The following NLGN1 variants were observed in gnomAD, a reference collection of about 807,000 sequenced individuals.
NLGN1 encodes the protein neuroligin 1, also known as neuroligin-1.
A neutral mutation model predicts 65.5 loss-of-function variants in NLGN1; 12 were observed. That is an observed-to-expected ratio of 0.18 (90% CI 0.12 to 0.30). The LOEUF (loss-of-function observed/expected upper bound fraction) is 0.30, where lower values mean the gene tolerates loss of function less well. NLGN1 is among the 10% of genes least tolerant of loss of function. The probability of loss-of-function intolerance (pLI) is 1.00; values close to 1 mark genes in which losing one functional copy is unlikely to be tolerated. For missense variants in NLGN1, 750 were observed against 1,007.1 expected, an observed-to-expected ratio of 0.74 and a Z score of 3.46; for synonymous variants, 350 against 359.5, an observed-to-expected ratio of 0.97 and a Z score of 0.30.
chr3:173,701,905 T>A (rs2149885575), intron 3 of NLGN1, among the ~76,000 whole-genome samples: 1 of 152,316 alleles, frequency 6.6e-6, no homozygotes, highest in East Asian at 1.9e-4. Context: ...GCTGCCTTTG[T>A]TTCATGGTAT....
chr3:173,716,472 T>C (rs1578099200), intron 3 of NLGN1, among the ~76,000 whole-genome samples: 1 of 152,224 alleles, frequency 6.6e-6, no homozygotes, highest in East Asian at 1.9e-4. Context: ...GTGCTGCTAA[T>C]ATACAGGAAG....
intron 4 of NLGN1, among the ~76,000 whole-genome samples, chr3:173,916,419 C>T (rs181375329): frequency 2.0e-5 from 3 of 152,162 alleles, no homozygotes; most frequent in Admixed American, 1.3e-4. Context: ...AATATAAGCT[C>T]TAGCTTAAGG....
intron 3 of NLGN1, among the ~76,000 whole-genome samples, chr3:173,755,068 TGA>T (rs1371876831): frequency 6.6e-6 from 1 of 152,126 alleles, no homozygotes; most frequent in Non-Finnish European, 1.5e-5. Flanking sequence ...GAACATCATT[TGA>T]AACATTCCCT....
chr3:173,605,080 C>T (rs767437503), exon 3 of NLGN1: 13 of 1,605,708 alleles, frequency 8.1e-6, no homozygotes, highest in African/African-American at 1.3e-5. Context: ...ATATATGTCC[C>T]GACTGAGGAT....
chr3:173,766,631 C>A (rs10513716), intron 3 of NLGN1, among the ~76,000 whole-genome samples: 120,981 of 152,070 alleles, frequency 0.8, 48,799 homozygotes, highest in African/African-American at 0.83. Context: ...GGAAACAGGA[C>A]GAGGTTAAGT....
chr3:173,693,004 C>T (rs191448253), intron 3 of NLGN1, among the ~76,000 whole-genome samples: 144 of 152,204 alleles, frequency 9.5e-4, no homozygotes, highest in African/African-American at 3.3e-3. Flanking sequence ...TGCTATTTTG[C>T]ATGGTTCAAA....
intron 3 of NLGN1, among the ~76,000 whole-genome samples, chr3:173,700,096 A>G (rs1393891426): frequency 2.0e-5 from 3 of 152,244 alleles, no homozygotes; most frequent in African/African-American, 7.2e-5. Context: ...CGGGCAATGG[A>G]GTAAATCAGC....
Position 173,491,078 on chromosome 3 carries a change from C to G in NLGN1, c.-321+56000C>G, listed in dbSNP as rs963972319. Among the ~76,000 whole-genome samples the G allele has an allele frequency of 5.9e-5, 9 of 151,882 alleles. 1 individual carries two copies. The highest frequency in any genetic ancestry group is 2.2e-4 in the African/African-American group (9 of 41,212). On this transcript the variant is annotated intron_variant, in intron 2 of 6. Coordinates refer to ENST00000457714, the Ensembl canonical transcript of NLGN1. ...GACTTCCTCTTTTCCTAACTGAATACCCTTTATTTCTTTCTCCTGCCTGAT... is the reference window on the plus strand; with the variant it reads ...GACTTCCTCTTTTCCTAACTGAATAGCCTTTATTTCTTTCTCCTGCCTGAT...
intron 4 of NLGN1, among the ~76,000 whole-genome samples, chr3:174,240,491 A>T (rs1742582434): frequency 6.6e-6 from 1 of 152,154 alleles, no homozygotes; most frequent in African/African-American, 2.4e-5. Context: ...ATCCTGAAAA[A>T]TTTTTAAATT....
chr3:174,126,938 T>C (rs1272603399), intron 4 of NLGN1, among the ~76,000 whole-genome samples: 2 of 152,182 alleles, frequency 1.3e-5, no homozygotes. Flanking sequence ...CATGGCATGC[T>C]AACTTCTTAA....
intron 4 of NLGN1, among the ~76,000 whole-genome samples, chr3:173,887,193 G>A (rs1734502690): frequency 6.6e-6 from 1 of 151,990 alleles, no homozygotes; most frequent in Admixed American, 6.6e-5. Context: ...CCACTGAAGA[G>A]TGAAAATATC....
chr3:173,741,836 C>G (rs1439580522), intron 3 of NLGN1, among the ~76,000 whole-genome samples: 1 of 152,032 alleles, frequency 6.6e-6, no homozygotes, highest in Non-Finnish European at 1.5e-5. Flanking sequence ...AATCATGATC[C>G]AGCTAAGGAA....
intron 3 of NLGN1, among the ~76,000 whole-genome samples, chr3:173,685,355 G>C (rs182407935): frequency 6.6e-6 from 1 of 152,300 alleles, no homozygotes; most frequent in Non-Finnish European, 1.5e-5. Flanking sequence ...TATGAGCTAT[G>C]AGGGTTGAGG....
At chr3:174,053,018 C>A (rs1021237797) in intron 4 of NLGN1, among the ~76,000 whole-genome samples, 1 of 151,964 alleles carries the variant, frequency 6.6e-6, no homozygotes, top group Non-Finnish European at 1.5e-5. Flanking sequence ...TATTTGCACT[C>A]CATTCTTATC....
At chr3:173,803,938 C>CA (rs546878261) in intron 3 of NLGN1, among the ~76,000 whole-genome samples, 70 of 151,586 alleles carry the variant, frequency 4.6e-4, no homozygotes, top group Non-Finnish European at 8.1e-4. Context: ...TCCTTTAAGA[C>CA]AAAAAAAATC....
At chr3:174,281,087 G>C in exon 7 of NLGN1, 1 of 1,613,348 alleles carries the variant, frequency 6.2e-7, no homozygotes, top group Non-Finnish European at 8.5e-7. Flanking sequence ...CACATGAGGT[G>C]GTTCTTCGGA....
chr3:173,796,080 A>G (rs1404915377), intron 3 of NLGN1, among the ~76,000 whole-genome samples: 2 of 152,122 alleles, frequency 1.3e-5, no homozygotes, highest in African/African-American at 2.4e-5. Context: ...GGGAGCTAAT[A>G]ATACCCTCAA....
intron 4 of NLGN1, among the ~76,000 whole-genome samples, chr3:174,142,492 T>C (rs1004564122): frequency 3.9e-5 from 6 of 152,160 alleles, no homozygotes; most frequent in Admixed American, 6.5e-5. Context: ...GGTATGTTAG[T>C]ACAAATTTTC....
At chr3:173,397,615 C>T (rs1156913759), upstream of NLGN1, among the ~76,000 whole-genome samples, 1 of 152,096 alleles carries the variant, frequency 6.6e-6, no homozygotes, top group African/African-American at 2.4e-5. Context: ...CTCACTCTCC[C>T]GTTCCCCCGT....
Sources: allele counts gnomAD v4.1 joint callset (sites outside exome capture counted in the v4.1 genomes callset), GRCh38; gene constraint gnomAD v4.1.1; transcripts MANE v1.5; gene names NCBI Gene and HGNC (gene_info 2026-07-23, HGNC 2026-07-21).